The following MCU variants were observed in gnomAD, a reference collection of about 807,000 sequenced individuals.
The protein encoded by MCU is mitochondrial calcium uniporter.
MCU carries 12 observed loss-of-function variants against 45.2 expected under a neutral mutation model. The observed-to-expected ratio is 0.27, with a 90% CI of 0.17 to 0.43. The LOEUF is 0.43. MCU is among the 20% of genes least tolerant of loss of function. The probability of loss-of-function intolerance (pLI) is 1.00; values close to 1 mark genes in which losing one functional copy is unlikely to be tolerated. For synonymous variants in MCU, 160 were observed against 165.1 expected (o/e 0.97, Z 0.24); for missense variants, 324 against 436.7 (o/e 0.74, Z 2.30).
rs541711330 is a variant in MCU at position 72,723,567 on chromosome 10, A to G, written c.150+31266A>G. On this transcript the variant is annotated intron_variant, in intron 1 of 7. Transcript: ENST00000373053. The stretch of plus-strand genomic sequence containing the variant: ...TCATCTTTATATACAACATAAAACC[A>G]TATAACTTACCATCGAAGATGACTC... Among the ~76,000 whole-genome samples the G allele has an allele frequency of 4.5e-4, 68 of 152,348 alleles. 2 individuals are homozygous for G. In the South Asian group the frequency reaches 0.014, roughly 32 times the overall value.
At position 72,703,605 on chromosome 10, in the gene MCU, A is replaced by G. The variant is rs1053180561; in HGVS notation, c.150+11304A>G. Among the ~76,000 whole-genome samples, 2 of 152,196 alleles carry G rather than the reference A, an allele frequency of 1.3e-5. 1 individual carries two copies. Among genetic ancestry groups the G allele is most frequent in the African/African-American group, 4.8e-5 (2 of 41,426 alleles). Reference sequence around the variant, plus strand: ...AGTTATGTGTGTGCATTGTACACACATAAAACTAAAGAAAAGTGGCTGGGC... The same window carrying G: ...AGTTATGTGTGTGCATTGTACACACGTAAAACTAAAGAAAAGTGGCTGGGC... On this transcript the variant is annotated intron_variant, in intron 1 of 7. Transcript: ENST00000373053.
chr10:72,833,285 G>A (rs905548122), intron 1 of MCU, among the ~76,000 whole-genome samples: 1 of 152,150 alleles, frequency 6.6e-6, no homozygotes, highest in Non-Finnish European at 1.5e-5. Flanking sequence ...TTGACTAGAA[G>A]TAATTCCTAA....
At chr10:72,850,030 C>T (rs1845184189) in intron 2 of MCU, among the ~76,000 whole-genome samples, 1 of 151,866 alleles carries the variant, frequency 6.6e-6, no homozygotes, top group South Asian at 2.1e-4. Flanking sequence ...TCTCTTGCCT[C>T]AGGTGCCTGA....
intron 1 of MCU, among the ~76,000 whole-genome samples, chr10:72,818,541 A>T (rs1825983545): frequency 6.6e-6 from 1 of 152,138 alleles, no homozygotes; most frequent in Admixed American, 6.6e-5. Context: ...GTGGAGACAT[A>T]AAAATAGTAC....
At chr10:72,699,028 T>G (rs945594708) in intron 1 of MCU, among the ~76,000 whole-genome samples, 6 of 152,134 alleles carry the variant, frequency 3.9e-5, no homozygotes, top group Non-Finnish European at 7.4e-5. Flanking sequence ...GGTCTTGAAC[T>G]CCTCGGCTCA....
intron 1 of MCU, among the ~76,000 whole-genome samples, chr10:72,705,558 C>A (rs950934807): frequency 6.6e-6 from 1 of 152,176 alleles, no homozygotes; most frequent in South Asian, 2.1e-4. Context: ...TGGCTCATGC[C>A]TGTAATCCCA....
chr10:72,724,182 C>A (rs1843065601), intron 1 of MCU, among the ~76,000 whole-genome samples: 1 of 152,138 alleles, frequency 6.6e-6, no homozygotes. Flanking sequence ...GTGCATTCAT[C>A]ATTGCTTGTG....
intron 2 of MCU, among the ~76,000 whole-genome samples, chr10:72,855,795 A>G (rs958880597): frequency 6.6e-6 from 1 of 152,206 alleles, no homozygotes; most frequent in African/African-American, 2.4e-5. Context: ...TACTTTAATT[A>G]AAAGGCAGAG....
intron 6 of MCU, among the ~76,000 whole-genome samples, chr10:72,879,954 A>G (rs1295905402): frequency 2.6e-5 from 4 of 152,194 alleles, no homozygotes; most frequent in Non-Finnish European, 5.9e-5. Flanking sequence ...AGGTTGAGGC[A>G]TGAGAATCGC....
chr10:72,697,293 T>A (rs1312021505), intron 1 of MCU, among the ~76,000 whole-genome samples: 1 of 151,518 alleles, frequency 6.6e-6, no homozygotes, highest in African/African-American at 2.4e-5. Flanking sequence ...ATTTTTGTAT[T>A]TTTTGTAGAG....
At chr10:72,754,547 T>G (rs1228570974) in intron 1 of MCU, among the ~76,000 whole-genome samples, 1 of 152,048 alleles carries the variant, frequency 6.6e-6, no homozygotes. Flanking sequence ...GCCCAGGAGT[T>G]TGAGATGAAC....
At chr10:72,706,560 A>G (rs1382127145) in intron 1 of MCU, among the ~76,000 whole-genome samples, 1 of 149,694 alleles carries the variant, frequency 6.7e-6, no homozygotes, top group Admixed American at 6.6e-5. Flanking sequence ...TTTTTTTGAG[A>G]CGGAGTCTCG....
At chr10:72,703,619 A>T (rs1842784180) in intron 1 of MCU, among the ~76,000 whole-genome samples, 1 of 152,142 alleles carries the variant, frequency 6.6e-6, no homozygotes, top group South Asian at 2.1e-4. Context: ...AACTAAAGAA[A>T]AGTGGCTGGG....
intron 6 of MCU, among the ~76,000 whole-genome samples, chr10:72,877,920 A>G (rs548580463): frequency 1.3e-5 from 2 of 152,160 alleles, no homozygotes; most frequent in East Asian, 3.9e-4. Context: ...TTCACCTAGT[A>G]TAGGCTCTTT....
intron 2 of MCU, among the ~76,000 whole-genome samples, chr10:72,852,400 T>G (rs1013278360): frequency 2.6e-5 from 4 of 152,242 alleles, no homozygotes; most frequent in Non-Finnish European, 5.9e-5. Flanking sequence ...ATTTCTGATT[T>G]TGCCTTTTAG....
intron 1 of MCU, among the ~76,000 whole-genome samples, chr10:72,710,340 A>G (rs955742858): frequency 7.2e-5 from 11 of 152,230 alleles, no homozygotes; most frequent in African/African-American, 2.6e-4. Context: ...AAAGGAAACT[A>G]TAATAGATTT....
At chr10:72,702,111 G>A (rs901784981) in intron 1 of MCU, among the ~76,000 whole-genome samples, 18 of 151,476 alleles carry the variant, frequency 1.2e-4, no homozygotes, top group South Asian at 4.2e-4. Context: ...GTCATGGTTG[G>A]GGGGGAGGGG....
chr10:72,845,673 G>A (rs527963956), intron 2 of MCU, among the ~76,000 whole-genome samples: 1 of 152,236 alleles, frequency 6.6e-6, no homozygotes, highest in East Asian at 1.9e-4. Flanking sequence ...TCTAGGTTTT[G>A]TAAATATTAT....
chr10:72,828,702 CTTGAA>C (rs942747915), intron 1 of MCU, among the ~76,000 whole-genome samples: 3 of 152,064 alleles, frequency 2.0e-5, no homozygotes, highest in African/African-American at 7.2e-5. Context: ...TAAATTTTGA[CTTGAA>C]TTTAATAATT....
Sources: gnomAD v4.1 joint callset for allele counts (sites outside exome capture counted in the v4.1 genomes callset) on GRCh38, gnomAD v4.1.1 for gene constraint, MANE v1.5 for transcripts, NCBI Gene and HGNC (gene_info 2026-07-23, HGNC 2026-07-21) for gene names.